MOK: variants seen among roughly 807,000 people sequenced by gnomAD.
MOK encodes the protein MOK protein kinase.
MOK carries 59 observed loss-of-function variants against 54.2 expected under a neutral mutation model. The observed-to-expected ratio is 1.09, with a 90% CI of 0.88 to 1.35. The LOEUF (loss-of-function observed/expected upper bound fraction) is 1.35. MOK is among the 40% of genes most tolerant of loss of function. The probability of loss-of-function intolerance (pLI) is 0.00; values close to 1 mark genes in which losing one functional copy is unlikely to be tolerated. For synonymous variants in MOK, 210 were observed against 202.7 expected (o/e 1.04, Z -0.31); for missense variants, 517 against 526.2 (o/e 0.98, Z 0.17).
chr14:102,237,902 A>T (rs2065364830), intron 7 of MOK: 1 of 152,114 alleles, frequency 6.6e-6, no homozygotes, highest in Non-Finnish European at 1.5e-5. Flanking sequence ...AATCTACAGG[A>T]TCTCCTCTCC....
intron 4 of MOK, among the ~76,000 whole-genome samples, chr14:102,260,859 C>T (rs2067329579): frequency 6.6e-6 from 1 of 152,008 alleles, no homozygotes; most frequent in African/African-American, 2.4e-5. Context: ...CAGTGGCTCA[C>T]TCCTATAATC....
At chr14:102,286,343 C>T (rs372552227) in intron 1 of MOK, among the ~76,000 whole-genome samples, 1 of 149,438 alleles carries the variant, frequency 6.7e-6, no homozygotes, top group Non-Finnish European at 1.5e-5. Flanking sequence ...ATCCTCCGGC[C>T]GGGCGCAGTG....
At chr14:102,256,349 G>A (rs2066947348) in intron 4 of MOK, among the ~76,000 whole-genome samples, 1 of 151,816 alleles carries the variant, frequency 6.6e-6, no homozygotes, top group South Asian at 2.1e-4. Flanking sequence ...CGGATCACGA[G>A]GTCAGGAGAT....
chr14:102,297,691 G>A (rs181618201), intron 1 of MOK, among the ~76,000 whole-genome samples: 42 of 152,326 alleles, frequency 2.8e-4, no homozygotes, highest in Middle Eastern at 6.8e-3. Context: ...GGAGGGAGAG[G>A]TGCAGGCGGG....
chr14:102,241,238 T>A (rs2065691602), intron 7 of MOK, among the ~76,000 whole-genome samples: 2 of 152,190 alleles, frequency 1.3e-5, no homozygotes, highest in African/African-American at 4.8e-5. Flanking sequence ...AATCCTTTTC[T>A]ACAGACCCAT....
chr14:102,219,082 G>A, the MOK span, among the ~76,000 whole-genome samples: 1 of 152,232 alleles, frequency 6.6e-6, no homozygotes, highest in African/African-American at 2.4e-5. Flanking sequence ...TTTGGGCAGT[G>A]GATCCCCCAC....
rs541820418 is a variant in MOK, at chr14:102,263,588, T to C, written c.241A>G (p.Ile81Val). 1.2e-6 allele frequency: 2 copies of C among 1,607,062 alleles called. No individual in the cohort carries two copies. The highest frequency in any genetic ancestry group is 8.5e-7 in the Non-Finnish European group (1 of 1,177,540). Reference protein sequence around the residue: ...FDRKSGSLALICELMDMNIYE... With the variant: ...FDRKSGSLALVCELMDMNIYE... Reference sequence around the variant, plus strand: ...ATATTCATGTCCATAAGTTCACATATTAGTGCAAGAGAACCAGATTTTCTG... The same window carrying C: ...ATATTCATGTCCATAAGTTCACATACTAGTGCAAGAGAACCAGATTTTCTG... The change falls in exon 4 of 12, where the codon ATA (isoleucine) becomes GTA (valine). Residue 81 changes from isoleucine (I) to valine (V), a missense_variant. Physicochemically the swap from Ile to Val is conservative, Grantham distance 29. Transcript: ENST00000361847.
rs1465727047 is a variant in MOK at position 102,236,023 on chromosome 14, G to A, written c.591-2234C>T. Among the ~76,000 whole-genome samples, 7 of 152,300 alleles carry A rather than the reference G, an allele frequency of 4.6e-5. No individual in the cohort carries two copies. The highest frequency in any genetic ancestry group is 4.1e-4 in the South Asian group (2 of 4,824). Reference sequence around the variant, plus strand: ...CCTTGTTTTAAGTGTGGCAAAGAAGGCCACTGGGCATGGGTGTATCCTAAC... The same window carrying A: ...CCTTGTTTTAAGTGTGGCAAAGAAGACCACTGGGCATGGGTGTATCCTAAC... On this transcript the variant is annotated intron_variant, in intron 7 of 11. Transcript: ENST00000361847. The surrounding 1 kb of genome is among the most constrained non-coding windows in gnomAD (Gnocchi z 4.5).
intron 1 of MOK, among the ~76,000 whole-genome samples, chr14:102,294,668 C>CA (rs1227552330): frequency 3.9e-5 from 6 of 151,916 alleles, no homozygotes; most frequent in African/African-American, 1.2e-4. Context: ...GTCAATCACT[C>CA]AAAGTCAAGC....
At chr14:102,229,791 T>A in intron 10 of MOK, 134 bp from the exon 11 acceptor site, 1 of 815,318 alleles carries the variant, frequency 1.2e-6, no homozygotes, top group Non-Finnish European at 1.9e-6. Context: ...CTGGGACACA[T>A]CCACCAGGTC....
intron 1 of MOK, among the ~76,000 whole-genome samples, chr14:102,294,278 C>A (rs1228980318): frequency 6.6e-6 from 1 of 152,030 alleles, no homozygotes; most frequent in Non-Finnish European, 1.5e-5. Flanking sequence ...AACCCCGTCT[C>A]TACTAAAAAT....
intron 2 of MOK, among the ~76,000 whole-genome samples, chr14:102,274,255 ATTT>A (rs11299524): frequency 6.7e-5 from 8 of 119,804 alleles, no homozygotes; most frequent in East Asian, 2.5e-4. Flanking sequence ...CCGTACCTGC[ATTT>A]TTTTTTTTTT....
chr14:102,282,949 G>A (rs1225809722), intron 2 of MOK, among the ~76,000 whole-genome samples: 1 of 150,378 alleles, frequency 6.6e-6, no homozygotes, highest in Non-Finnish European at 1.5e-5. Context: ...CAGCTACTAG[G>A]AGGCTAAGTC....
At chr14:102,294,081 C>T (rs540221255) in intron 1 of MOK, among the ~76,000 whole-genome samples, 6 of 152,154 alleles carry the variant, frequency 3.9e-5, no homozygotes, top group Non-Finnish European at 7.3e-5. Flanking sequence ...AGGCGGATCA[C>T]CTGATCCCAG....
intron 2 of MOK, among the ~76,000 whole-genome samples, chr14:102,269,320 G>A (rs1324599752): frequency 6.6e-6 from 1 of 151,898 alleles, no homozygotes; most frequent in African/African-American, 2.4e-5. Flanking sequence ...CTGAGTAGCT[G>A]GGATTACAGG....
intron 1 of MOK, among the ~76,000 whole-genome samples, chr14:102,293,701 C>CCAAAAAA (rs1432616309): frequency 2.0e-4 from 11 of 54,566 alleles, no homozygotes; most frequent in African/African-American, 2.3e-4. Context: ...AACTCCATCA[C>CCAAAAAA]AAAAAAAAAA....
In MOK at chr14:102,233,310, G is replaced by A. The variant is rs112377414; in HGVS notation, c.692+378C>T. The A allele has an allele frequency of 2.6e-3, 465 of 181,304 alleles. 2 individuals carry two copies. Among genetic ancestry groups the A allele is most frequent in the African/African-American group, 9.0e-3 (384 of 42,492 alleles). The allele number at this position is 181,304 out of a possible 1,614,324, so 11.2% of individuals were successfully genotyped here. ...GAGTCCGGGAACACCTCTTCCAGGC[G>A]TCGGTCCCGCCAGCAGGGCTGTGGA... On this transcript the variant is annotated intron_variant, in intron 8 of 11. Transcript: ENST00000361847.
chr14:102,305,007 T>A lies in MOK; in HGVS notation c.-39A>T. The A allele has an allele frequency of 6.3e-7, 1 of 1,580,864 alleles. No individual in the cohort carries two copies. The highest frequency in any genetic ancestry group is 8.6e-7 in the Non-Finnish European group (1 of 1,159,978). On this transcript the variant is annotated 5_prime_UTR_variant, in exon 1 of 12. Coordinates refer to ENST00000361847, the MANE Select transcript of MOK (RefSeq NM_014226.3). ...GCCGGTGACAACCCCTTGCCGACAC[T>A]GGACGGAAAAGAAAGAAGCAGGAAG...
At chr14:102,260,573 A>G (rs1278675088) in intron 4 of MOK, 1 of 151,992 alleles carries the variant, frequency 6.6e-6, no homozygotes, top group Non-Finnish European at 1.5e-5. Context: ...CCCTACAAGC[A>G]CTGTTGGCCA....
Sources: gnomAD v4.1 joint callset for allele counts (sites outside exome capture counted in the v4.1 genomes callset) on GRCh38, gnomAD v4.1.1 for gene constraint, Gnocchi (gnomAD v3.1) non-coding constraint, MANE v1.5 for transcripts, NCBI Gene and HGNC (gene_info 2026-07-23, HGNC 2026-07-21) for gene names.